ITGA8: variants seen among roughly 807,000 people sequenced by gnomAD.
ITGA8 encodes the protein integrin alpha-8.
ITGA8 carries 91 observed loss-of-function variants against 142.3 expected under a neutral mutation model. The observed-to-expected ratio is 0.64, with a 90% CI of 0.54 to 0.76. The LOEUF (loss-of-function observed/expected upper bound fraction) is 0.76, where lower values mean the gene tolerates loss of function less well. Among genes scored for constraint, ITGA8 ranks in the 30% least tolerant of loss-of-function variants. ITGA8 has a pLI of 0.00. For missense variants in ITGA8, 1,406 were observed against 1,327.7 expected (o/e 1.06, Z -0.92); for synonymous variants, 505 against 485.2 (o/e 1.04, Z -0.54).
intron 29 of ITGA8, among the ~76,000 whole-genome samples, chr10:15,517,533 A>G (rs1339166793): frequency 1.3e-5 from 2 of 152,154 alleles, no homozygotes; most frequent in African/African-American, 2.4e-5. Context: ...CATGTTGGCC[A>G]GGCTGGTGTT....
chr10:15,621,313 G>T (rs1833487291), intron 13 of ITGA8, among the ~76,000 whole-genome samples: 1 of 151,512 alleles, frequency 6.6e-6, no homozygotes, highest in Non-Finnish European at 1.5e-5. Flanking sequence ...TTTGGCTTTT[G>T]ATGGAACAAC....
intron 8 of ITGA8, among the ~76,000 whole-genome samples, chr10:15,668,543 T>G (rs533407451): frequency 6.6e-6 from 1 of 152,220 alleles, no homozygotes; most frequent in African/African-American, 2.4e-5. Flanking sequence ...TTTTTATGTG[T>G]GAATTTGATC....
At chr10:15,570,650 G>T (rs1288695353) in intron 25 of ITGA8, among the ~76,000 whole-genome samples, 1 of 149,818 alleles carries the variant, frequency 6.7e-6, no homozygotes, top group African/African-American at 2.4e-5. Context: ...TAAGTGGGGA[G>T]TAGGGAACAC....
chr10:15,523,252 T>C (rs924563010), intron 28 of ITGA8, among the ~76,000 whole-genome samples: 18 of 152,210 alleles, frequency 1.2e-4, no homozygotes, highest in Admixed American at 7.2e-4. Context: ...ATCATCTATA[T>C]AACTGGGCTA....
At chr10:15,689,534 C>T (rs1834894860) in intron 2 of ITGA8, among the ~76,000 whole-genome samples, 1 of 152,190 alleles carries the variant, frequency 6.6e-6, no homozygotes, top group East Asian at 1.9e-4. Flanking sequence ...TTCTGCAGTC[C>T]TCACAAGCCC....
intron 27 of ITGA8, among the ~76,000 whole-genome samples, chr10:15,541,882 A>G (rs950005623): frequency 1.3e-5 from 2 of 151,984 alleles, no homozygotes; most frequent in Non-Finnish European, 2.9e-5. Context: ...GTTTACTTGC[A>G]TGGTTCCTGC....
chr10:15,604,373 AAAG>A lies in ITGA8; in HGVS notation c.1971-21_1971-19del. 6.3e-7 allele frequency: 1 copy of A among 1,597,352 alleles called. No homozygotes were observed. Among genetic ancestry groups the A allele is most frequent in the Non-Finnish European group, 8.5e-7 (1 of 1,172,382 alleles). Reference sequence around the variant, plus strand: ...GCTTATCTCTAAAAATGCAGTTTAAAAAGAAGGATTAGGTACTCTACTTCTTGG... The same window carrying A: ...GCTTATCTCTAAAAATGCAGTTTAAAAAGGATTAGGTACTCTACTTCTTGG... On this transcript the variant is annotated intron_variant, in intron 19 of 29. Transcript: ENST00000378076.
chr10:15,633,877 G>T (rs1231932405), intron 13 of ITGA8, among the ~76,000 whole-genome samples: 1 of 152,118 alleles, frequency 6.6e-6, no homozygotes, highest in African/African-American at 2.4e-5. Context: ...AAATTATCTG[G>T]GTCAGATGAT....
intron 2 of ITGA8, among the ~76,000 whole-genome samples, chr10:15,717,438 G>C (rs1333533684): frequency 6.6e-6 from 1 of 152,136 alleles, no homozygotes; most frequent in Non-Finnish European, 1.5e-5. Context: ...TCTTAAACTA[G>C]AGAGCAGTAG....
At chr10:15,679,357 C>T (rs371428281) in intron 4 of ITGA8, among the ~76,000 whole-genome samples, 6 of 152,048 alleles carry the variant, frequency 3.9e-5, no homozygotes, top group African/African-American at 7.2e-5. Context: ...GGCCAAGGTG[C>T]GCAGATCATG....
At chr10:15,566,022 G>A (rs1391549662) in intron 25 of ITGA8, among the ~76,000 whole-genome samples, 4 of 152,078 alleles carry the variant, frequency 2.6e-5, no homozygotes, top group Admixed American at 2.0e-4. Flanking sequence ...ACCAGTACAC[G>A]AAGGCAGTTA....
At chr10:15,657,510 A>ATTTTT (rs34510305) in intron 10 of ITGA8, among the ~76,000 whole-genome samples, 35 of 132,506 alleles carry the variant, frequency 2.6e-4, no homozygotes, top group African/African-American at 9.1e-4. Flanking sequence ...CTTTTCTTTC[A>ATTTTT]TTTTTTTTTT....
Position 15,714,236 on chromosome 10 carries a change from T to C in ITGA8, c.343+4530A>G, listed in dbSNP as rs547171579. Among the ~76,000 whole-genome samples, 129 of 152,342 alleles carry C rather than the reference T, an allele frequency of 8.5e-4. 3 individuals are homozygous for C. The South Asian group carries it at 0.026, about 31-fold the overall frequency. On this transcript the variant is annotated intron_variant, in intron 2 of 29. Coordinates refer to ENST00000378076, the MANE Select transcript of ITGA8 (RefSeq NM_003638.3). ...TCATTGTCTCATTCGTTCTCCCTTTTAGCAGAAGGGTTACAGCCTAACATT... is the reference window on the plus strand; with the variant it reads ...TCATTGTCTCATTCGTTCTCCCTTTCAGCAGAAGGGTTACAGCCTAACATT...
chr10:15,645,605 T>A (rs1833965630), intron 12 of ITGA8, among the ~76,000 whole-genome samples: 1 of 152,216 alleles, frequency 6.6e-6, no homozygotes, highest in Non-Finnish European at 1.5e-5. Context: ...AGAACTTTTT[T>A]TCAAAGAATG....
intron 12 of ITGA8, among the ~76,000 whole-genome samples, chr10:15,644,434 A>G (rs1833930177): frequency 0.011 from 1 of 94 alleles, no homozygotes; most frequent in Non-Finnish European, 0.042. Context: ...TGTCAGGCTA[A>G]TATATATATA....
In ITGA8 at chr10:15,660,993, C is replaced by A. The variant is rs9333114; in HGVS notation, c.848-71G>T. 109,143 of 1,332,776 alleles carry A rather than the reference C, an allele frequency of 0.082. 5,948 individuals are homozygous for A. The highest frequency in any genetic ancestry group is 0.29 in the East Asian group (12,533 of 43,442). The allele number at this position is 1,332,776 out of a possible 1,614,324, so 82.6% of individuals were successfully genotyped here. On this transcript the variant is annotated intron_variant, in intron 8 of 29. Coordinates refer to ENST00000378076, the MANE Select transcript of ITGA8 (RefSeq NM_003638.3). ...CAAACACACACACACACGCCATATACTAAAAGTGGTAAAGACAGTGCTTGT... is the reference window on the plus strand; with the variant it reads ...CAAACACACACACACACGCCATATAATAAAAGTGGTAAAGACAGTGCTTGT...
At chr10:15,548,069 A>AT (rs561958399) in intron 27 of ITGA8, among the ~76,000 whole-genome samples, 38 of 151,794 alleles carry the variant, frequency 2.5e-4, no homozygotes, top group Middle Eastern at 3.4e-3. Context: ...TGTAAAAAAA[A>AT]TTTTTTTAAG....
At chr10:15,684,344 CA>C (rs201236352) in intron 3 of ITGA8, among the ~76,000 whole-genome samples, 43 of 144,910 alleles carry the variant, frequency 3.0e-4, no homozygotes, top group South Asian at 1.1e-3. Context: ...TAAATACATG[CA>C]AAAAAAAATG....
intron 26 of ITGA8, among the ~76,000 whole-genome samples, chr10:15,556,016 CTCTTT>C (rs1309993993): frequency 1.4e-4 from 13 of 94,506 alleles, no homozygotes; most frequent in African/African-American, 5.2e-4. Context: ...GTCTCTCTCT[CTCTTT>C]TTTTTTTTTT....
Sources: allele counts gnomAD v4.1 joint callset (sites outside exome capture counted in the v4.1 genomes callset), GRCh38; gene constraint gnomAD v4.1.1; transcripts MANE v1.5; gene names NCBI Gene and HGNC (gene_info 2026-07-23, HGNC 2026-07-21).